AKAP9: variants seen among roughly 807,000 people sequenced by gnomAD.
AKAP9 encodes A-kinase anchor protein 9.
AKAP9 carries 311 observed loss-of-function variants against 488.5 expected under a neutral mutation model. The observed-to-expected ratio is 0.64, with a 90% CI of 0.58 to 0.70. The LOEUF (loss-of-function observed/expected upper bound fraction) is 0.70. Ranked by LOEUF, AKAP9 falls within the 30% of genes least tolerant of loss-of-function variation. The pLI is 0.00. For missense variants in AKAP9, 4,215 were observed against 4,374.5 expected, an observed-to-expected ratio of 0.96 and a Z score of 1.03; for synonymous variants, 1,462 against 1,483.5, an observed-to-expected ratio of 0.99 and a Z score of 0.33.
intron 20 of AKAP9, chr7:92,043,440 A>G (rs1265273531): frequency 1.5e-6 from 1 of 656,218 alleles, no homozygotes; most frequent in African/African-American, 2.0e-5. Context: ...TATATTATTT[A>G]TCTCTAATTG....
rs1232118298 is a variant in AKAP9, at chr7:92,079,801, C to T, written c.7668C>T (p.Val2556=). ...AAGAAAAAGTGGCTGCTGCTCTTGT[C>T]AGTCAAATCCAACTTGAGGCAGTTC... The part of the protein sequence containing the change: ...IVEEKVAAAL[V]SQIQLEAVQE... The change falls in exon 31 of 50, where the codon GTC becomes GTT. Residue 2556 remains valine (V), a synonymous_variant. Coordinates refer to ENST00000356239, the MANE Select transcript of AKAP9 (RefSeq NM_005751.5). The T allele has an allele frequency of 2.5e-6, 4 of 1,614,024 alleles. No homozygotes were observed. The South Asian group carries it at 3.3e-5, about 13-fold the overall frequency.
At position 92,022,881 on chromosome 7, in the gene AKAP9, T is replaced by C. The variant is rs754210716; in HGVS notation, c.4020T>C (p.Val1340=). ...AAAAAACTAAACTTGAAGAACAAGT[T>C]CAAGAATTAGAAAGCCTCATATCCT... ...DLEKTKLEEQ[V]QELESLISSL... is the part of the protein sequence containing the mutation. Residue 1340 remains valine (V), a synonymous_variant, in exon 14 of 50, where the codon GTT becomes GTC. Transcript: ENST00000356239. The C allele has an allele frequency of 6.2e-7, 1 of 1,611,872 alleles. No homozygotes were observed. Among genetic ancestry groups the C allele is most frequent in the Non-Finnish European group, 8.5e-7 (1 of 1,178,220 alleles).
chr7:92,061,175 C>T (rs1309010113), intron 22 of AKAP9, 85 bp from the exon 23 acceptor site: 7 of 1,482,916 alleles, frequency 4.7e-6, no homozygotes, highest in African/African-American at 1.4e-5. Flanking sequence ...TTTTAAAATC[C>T]TCCTTTTTTC....
intron 1 of AKAP9, among the ~76,000 whole-genome samples, chr7:91,944,251 A>G (rs1357034052): frequency 2.0e-5 from 3 of 152,058 alleles, no homozygotes; most frequent in Non-Finnish European, 4.4e-5. Flanking sequence ...ATATGAAGAC[A>G]CCTGAAAAAA....
intron 13 of AKAP9, 71 bp downstream of exon 13, chr7:92,022,423 A>G (rs1173590281): frequency 5.5e-6 from 6 of 1,081,904 alleles, no homozygotes; most frequent in Non-Finnish European, 7.1e-6. Flanking sequence ...TTTTTACTTT[A>G]AAATGTGAGC....
At chr7:92,108,765 A>G (rs1422500193) in intron 49 of AKAP9, 132 bp downstream of exon 49, 13 of 1,105,506 alleles carry the variant, frequency 1.2e-5, no homozygotes, top group Non-Finnish European at 1.8e-5. Context: ...TTATTAAGTT[A>G]GCCAAAGCTT....
In AKAP9 at chr7:92,077,741, A is replaced by G. The variant is rs750606606; in HGVS notation, c.6811A>G (p.Met2271Val). 13 of 1,613,904 alleles carry G rather than the reference A, an allele frequency of 8.1e-6. No homozygotes were observed. The highest frequency in any genetic ancestry group is 1.0e-5 in the Non-Finnish European group (12 of 1,179,920). The change falls in exon 30 of 50, where the codon ATG becomes GTG. Residue 2271 changes from methionine to valine, a missense_variant. Around this residue, in one of 5 missense-constraint regions of AKAP9, gnomAD observed 1,476 missense variants for 1,477.4 expected, o/e 1.00. Coordinates refer to ENST00000356239, the MANE Select transcript of AKAP9 (RefSeq NM_005751.5). ...LGLAIKESDAMSTQDQHVLFG... is the reference protein window; with the variant it reads ...LGLAIKESDAVSTQDQHVLFG... ...ACTTGCCATAAAGGAATCTGATGCCATGTCTACTCAAGACCAACATGTGCT... is the reference window on the plus strand; with the variant it reads ...ACTTGCCATAAAGGAATCTGATGCCGTGTCTACTCAAGACCAACATGTGCT...
chr7:92,061,064 G>A (rs1384070676), intron 22 of AKAP9, among the ~76,000 whole-genome samples, 196 bp from the exon 23 acceptor site: 2 of 152,058 alleles, frequency 1.3e-5, no homozygotes, highest in Non-Finnish European at 2.9e-5. Flanking sequence ...ACAGAAAGTC[G>A]TGCACAGCCA....
chr7:92,034,442 G>A (rs1804815212), intron 16 of AKAP9, among the ~76,000 whole-genome samples: 1 of 148,110 alleles, frequency 6.8e-6, no homozygotes, highest in East Asian at 2.0e-4. Flanking sequence ...CACTTCCGGT[G>A]AATTTATATA....
chr7:92,102,665 GC>G lies in AKAP9; in HGVS notation c.11170del (p.Leu3724CysfsTer29). The G allele has an allele frequency of 6.2e-7, 1 of 1,614,210 alleles. No individual in the cohort carries two copies. The highest frequency in any genetic ancestry group is 8.5e-7 in the Non-Finnish European group (1 of 1,180,040). On this transcript the variant is annotated frameshift_variant, in exon 46 of 50. Coordinates refer to ENST00000356239, the MANE Select transcript of AKAP9 (RefSeq NM_005751.5). LOFTEE classifies it high-confidence loss of function. Reference sequence around the variant, plus strand: ...TCATTTACCAGAAGAAATACCTGCTGCTGTTACTGGGTGGGTTCCAGGAATG... The same window carrying G: ...TCATTTACCAGAAGAAATACCTGCTGTGTTACTGGGTGGGTTCCAGGAATG... Reference protein sequence around the residue: ...ALIYQKKYLLLLLGGFQECED... With the variant: ...ALIYQKKYLLXLLGGFQECED...
intron 12 of AKAP9, among the ~76,000 whole-genome samples, chr7:92,021,741 G>A (rs1802341618): frequency 6.6e-6 from 1 of 151,982 alleles, no homozygotes; most frequent in Admixed American, 6.6e-5. Context: ...AATAGTTAAG[G>A]AAATAAGCTG....
chr7:91,954,829 A>C (rs1239374945), intron 1 of AKAP9, among the ~76,000 whole-genome samples: 1 of 152,146 alleles, frequency 6.6e-6, no homozygotes, highest in Non-Finnish European at 1.5e-5. Context: ...TAACATAGCC[A>C]CTTTACTTGA....
intron 34 of AKAP9, 55 bp downstream of exon 34, chr7:92,084,758 T>G: frequency 3.7e-6 from 6 of 1,608,180 alleles, no homozygotes; most frequent in Admixed American, 1.7e-5. Context: ...AAATAATAGT[T>G]TTTTGGGGAC....
chr7:91,978,260 AAG>A (rs1491547800), intron 2 of AKAP9, among the ~76,000 whole-genome samples: 129 of 151,846 alleles, frequency 8.5e-4, no homozygotes, highest in African/African-American at 3.1e-3. Flanking sequence ...AAAAAAAAAA[AAG>A]AGAATCTTAT....
chr7:92,002,886 T>C lies in AKAP9; in HGVS notation c.2969T>C (p.Val990Ala), dbSNP rs1799339838. 1 of 1,612,628 alleles carries C rather than the reference T, an allele frequency of 6.2e-7. No individual in the cohort carries two copies. Among genetic ancestry groups the C allele is most frequent in the African/African-American group, 1.3e-5 (1 of 74,758 alleles). The change falls in exon 8 of 50, where the codon GTT becomes GCT. Residue 990 changes from valine (V) to alanine (A), a missense_variant. By Grantham distance (64) the Val-to-Ala change is moderately conservative. Transcript: ENST00000356239. Reference sequence around the variant, plus strand: ...TCTTTAAAGCAAGAGAAAGAACAAGTTTCATTGAGATGTAGAGAGCTAGAA... The same window carrying C: ...TCTTTAAAGCAAGAGAAAGAACAAGCTTCATTGAGATGTAGAGAGCTAGAA... Reference protein sequence around the residue: ...VKSLKQEKEQVSLRCRELEII... With the variant: ...VKSLKQEKEQASLRCRELEII...
Position 91,994,283 on chromosome 7 carries a change from T to C in AKAP9, c.577-338T>C, listed in dbSNP as rs775332678. Among the ~76,000 whole-genome samples the C allele has an allele frequency of 2.0e-5, 3 of 152,232 alleles. No homozygotes were observed. In the East Asian group the frequency reaches 5.8e-4, roughly 29 times the overall value. ...TTGATGAGGATGACAAAAATACATA[T>C]CAGTTTCATCCTCTTCAGAAACAAG... On this transcript the variant is annotated intron_variant, in intron 5 of 49. Coordinates refer to ENST00000356239, the MANE Select transcript of AKAP9 (RefSeq NM_005751.5).
chr7:92,099,230 A>T (rs1817136772), intron 43 of AKAP9, among the ~76,000 whole-genome samples: 1 of 152,124 alleles, frequency 6.6e-6, no homozygotes, highest in South Asian at 2.1e-4. Context: ...CGTTGCCTCC[A>T]TTCAGGCTTT....
At chr7:91,993,191 CTTCTT>C in intron 5 of AKAP9, 136 bp downstream of exon 5, 7 of 936,088 alleles carry the variant, frequency 7.5e-6, no homozygotes, top group South Asian at 3.4e-5. Flanking sequence ...TCTTCTTCTT[CTTCTT>C]TTTTTTTTTC....
At chr7:92,042,275 T>C in intron 19 of AKAP9, 89 bp downstream of exon 19, 10 of 1,547,740 alleles carry the variant, frequency 6.5e-6, no homozygotes, top group Non-Finnish European at 8.9e-6. Context: ...GATGTATTCT[T>C]TTATAGGTAC....
Sources: gnomAD v4.1 joint callset for allele counts (sites outside exome capture counted in the v4.1 genomes callset) on GRCh38, gnomAD v4.1.1 for gene constraint, gnomAD v4.1.1 regional missense constraint, MANE v1.5 for transcripts, NCBI Gene and HGNC (gene_info 2026-07-23, HGNC 2026-07-21) for gene names.